UNC5D: variants seen among roughly 807,000 people sequenced by gnomAD.
The protein encoded by UNC5D is unc-5 netrin receptor D.
Under a neutral mutation model 105.4 loss-of-function variants are expected in UNC5D, and 39 were observed. That is an observed-to-expected ratio of 0.37 (90% CI 0.29 to 0.48). The LOEUF (loss-of-function observed/expected upper bound fraction) is 0.48, where lower values mean the gene tolerates loss of function less well. UNC5D is among the 20% of genes least tolerant of loss of function. The pLI is 0.98. For missense variants in UNC5D, 991 were observed against 1,202.4 expected (o/e 0.82, Z 2.60); for synonymous variants, 452 against 450.4 (o/e 1.00, Z -0.04).
At chr8:35,725,368 C>T (rs753098816) in intron 9 of UNC5D, among the ~76,000 whole-genome samples, 16 of 152,006 alleles carry the variant, frequency 1.1e-4, no homozygotes, top group Non-Finnish European at 2.4e-4. Flanking sequence ...AAAAAAATGG[C>T]GAGCCCCAGC....
intron 1 of UNC5D, among the ~76,000 whole-genome samples, chr8:35,432,188 A>T (rs1310249912): frequency 6.6e-6 from 1 of 152,152 alleles, no homozygotes; most frequent in Admixed American, 6.6e-5. Context: ...TGCCACTTAC[A>T]TCGTAATATT....
intron 1 of UNC5D, among the ~76,000 whole-genome samples, chr8:35,294,821 G>A (rs574252781): frequency 6.6e-6 from 1 of 151,886 alleles, no homozygotes; most frequent in East Asian, 1.9e-4. Flanking sequence ...TCTTGTAATG[G>A]CATGACTTTT....
chr8:35,682,273 G>A (rs994466348), intron 4 of UNC5D, among the ~76,000 whole-genome samples: 14 of 152,158 alleles, frequency 9.2e-5, no homozygotes, highest in African/African-American at 3.1e-4. Flanking sequence ...CAGATGACAC[G>A]TTTTATTGGT....
chr8:35,707,703 T>G (rs942346608), intron 8 of UNC5D, among the ~76,000 whole-genome samples: 1 of 152,230 alleles, frequency 6.6e-6, no homozygotes, highest in African/African-American at 2.4e-5. Flanking sequence ...TATGTGTTTT[T>G]AAAATTAATT....
chr8:35,679,092 T>TA (rs1315823950), intron 4 of UNC5D, among the ~76,000 whole-genome samples: 1 of 151,794 alleles, frequency 6.6e-6, no homozygotes, highest in Non-Finnish European at 1.5e-5. Context: ...CTACAAAAAA[T>TA]AAAAATAAAA....
chr8:35,365,711 CA>C (rs1295909714), intron 1 of UNC5D, among the ~76,000 whole-genome samples: 1 of 151,150 alleles, frequency 6.6e-6, no homozygotes, highest in Non-Finnish European at 1.5e-5. Context: ...TACCAGGTAC[CA>C]GGGGAAATGG....
Position 35,686,728 on chromosome 8 carries a change from C to T in UNC5D, c.1084+19C>T, listed in dbSNP as rs781482436. On this transcript the variant is annotated intron_variant, in intron 7 of 16. Coordinates refer to ENST00000404895, the MANE Select transcript of UNC5D (RefSeq NM_080872.4). ...ATCCTAGGTAACACTTTTGCTTTAACATCTTCAGTGTTTGTTCATAATACC... is the reference window on the plus strand; with the variant it reads ...ATCCTAGGTAACACTTTTGCTTTAATATCTTCAGTGTTTGTTCATAATACC... 6.4e-7 allele frequency: 1 copy of T among 1,555,952 alleles called. No individual in the cohort carries two copies. Among genetic ancestry groups the T allele is most frequent in the South Asian group, 1.2e-5 (1 of 83,412 alleles).
intron 1 of UNC5D, among the ~76,000 whole-genome samples, chr8:35,459,280 T>G (rs1808719625): frequency 2.0e-5 from 3 of 152,148 alleles, no homozygotes; most frequent in Admixed American, 1.3e-4. Context: ...GCTTGGTCAG[T>G]TAGGTGAGGG....
At chr8:35,440,109 G>A (rs936296187) in intron 1 of UNC5D, among the ~76,000 whole-genome samples, 9 of 151,950 alleles carry the variant, frequency 5.9e-5, no homozygotes, top group African/African-American at 2.2e-4. Flanking sequence ...TATCACGCTG[G>A]TGACCTGTAT....
At chr8:35,678,436 T>A (rs556212905) in intron 4 of UNC5D, among the ~76,000 whole-genome samples, 14 of 152,232 alleles carry the variant, frequency 9.2e-5, no homozygotes, top group Non-Finnish European at 1.8e-4. Flanking sequence ...AAAGAGATTT[T>A]TTTTAAGCTA....
At chr8:35,457,045 A>C (rs945632042) in intron 1 of UNC5D, among the ~76,000 whole-genome samples, 1 of 152,092 alleles carries the variant, frequency 6.6e-6, no homozygotes, top group Non-Finnish European at 1.5e-5. Context: ...CAAGTTTCTT[A>C]TTGCCTCCAA....
At position 35,737,252 on chromosome 8, in the gene UNC5D, CTGTGTGTG is replaced by C. The variant is rs369792188; in HGVS notation, c.1766+6198_1766+6205del. On this transcript the variant is annotated intron_variant, in intron 11 of 16. Transcript: ENST00000404895. ...GGGGAGAAACTTGGCAAGATCTGCT[CTGTGTGTG>C]TGTGTGTGTGTGTGTGTGTGTGTGT... 4.8e-3 allele frequency among the ~76,000 whole-genome samples: 574 copies of C among 119,870 alleles called. 2 individuals are homozygous for C. Among genetic ancestry groups the C allele is most frequent in the East Asian group, 8.7e-3 (37 of 4,266 alleles). The allele number at this position is 119,870 out of a possible 152,430, so 78.6% of individuals were successfully genotyped here. A position where few individuals can be genotyped will look rare whatever the true frequency, so the allele number is the denominator to read the frequency against.
chr8:35,691,203 G>A (rs554407613), intron 7 of UNC5D, among the ~76,000 whole-genome samples: 25 of 152,210 alleles, frequency 1.6e-4, no homozygotes, highest in South Asian at 4.2e-4. Context: ...AAATAAATAC[G>A]GCTGGCACAG....
At position 35,580,697 on chromosome 8, in the gene UNC5D, C is replaced by T. The variant is rs145237969; in HGVS notation, c.466+12456C>T. Among the ~76,000 whole-genome samples, 909 of 152,128 alleles carry T rather than the reference C, an allele frequency of 6.0e-3. 2 individuals carry two copies. The highest frequency in any genetic ancestry group is 0.027 in the Middle Eastern group (8 of 294). ...TTACATTTGACGTGAAGGGCTCCAT[C>T]GACTTGAACAAAACAATGTAATGAG... On this transcript the variant is annotated intron_variant, in intron 3 of 16. Coordinates refer to ENST00000404895, the MANE Select transcript of UNC5D (RefSeq NM_080872.4).
At chr8:35,241,433 C>T (rs1296963259) in intron 1 of UNC5D, among the ~76,000 whole-genome samples, 2 of 152,140 alleles carry the variant, frequency 1.3e-5, no homozygotes, top group African/African-American at 2.4e-5. Flanking sequence ...CACCCTACCA[C>T]CACTCCCCCC....
At chr8:35,421,870 C>G (rs1008865717) in intron 1 of UNC5D, among the ~76,000 whole-genome samples, 1 of 152,186 alleles carries the variant, frequency 6.6e-6, no homozygotes. Context: ...TTAAACTCAT[C>G]ATATCTACCG....
intron 1 of UNC5D, among the ~76,000 whole-genome samples, chr8:35,533,428 G>T (rs1814565607): frequency 6.6e-6 from 1 of 152,002 alleles, no homozygotes; most frequent in Non-Finnish European, 1.5e-5. Context: ...CTGCGTGCTG[G>T]GAGAACCACT....
At chr8:35,718,723 G>T (rs1482112777) in intron 8 of UNC5D, among the ~76,000 whole-genome samples, 1 of 152,178 alleles carries the variant, frequency 6.6e-6, no homozygotes, top group African/African-American at 2.4e-5. Context: ...TGGCTGGATT[G>T]TCCAGGACAG....
At chr8:35,786,369 C>T (rs1210324027) in intron 16 of UNC5D, among the ~76,000 whole-genome samples, 3 of 152,142 alleles carry the variant, frequency 2.0e-5, no homozygotes, top group Non-Finnish European at 4.4e-5. Context: ...AGTTAGGTTT[C>T]TGCCTCTTTT....
Sources: allele counts gnomAD v4.1 joint callset (sites outside exome capture counted in the v4.1 genomes callset), GRCh38; gene constraint gnomAD v4.1.1; transcripts MANE v1.5; gene names NCBI Gene and HGNC (gene_info 2026-07-23, HGNC 2026-07-21).